Variants in DNAH11 observed in about 807,000 individuals in gnomAD.
DNAH11 encodes the protein dynein axonemal heavy chain 11, also known as axonemal beta dynein heavy chain 11.
In DNAH11, 442 loss-of-function variants were observed where a neutral mutation model predicts 526.0. That is an observed-to-expected ratio of 0.84 (90% CI 0.78 to 0.91). The LOEUF (loss-of-function observed/expected upper bound fraction) is 0.91, where lower values mean the gene tolerates loss of function less well. Among genes scored for constraint, DNAH11 ranks in the 40% least tolerant of loss-of-function variants. DNAH11 has a pLI of 0.00. For synonymous variants in DNAH11, 2,461 were observed against 1,935.9 expected (o/e 1.27, Z -7.12); for missense variants, 6,989 against 5,448.7 (o/e 1.28, Z -8.90).
intron 5 of DNAH11, among the ~76,000 whole-genome samples, chr7:21,563,139 C>T (rs141889672): frequency 6.6e-6 from 1 of 152,128 alleles, no homozygotes; most frequent in Non-Finnish European, 1.5e-5. Context: ...TTCAATTAAG[C>T]AGTCATTAAT....
At chr7:21,612,539 A>G (rs1170118393) in intron 20 of DNAH11, among the ~76,000 whole-genome samples, 2 of 128,712 alleles carry the variant, frequency 1.6e-5, no homozygotes, top group African/African-American at 6.1e-5. Flanking sequence ...TGGGCGACAG[A>G]GTGAGGCTCC....
intron 14 of DNAH11, among the ~76,000 whole-genome samples, chr7:21,596,747 T>C (rs993353163): frequency 6.6e-6 from 1 of 152,228 alleles, no homozygotes; most frequent in Non-Finnish European, 1.5e-5. Flanking sequence ...TTTTTTGTAT[T>C]AATAAATGGA....
chr7:21,588,717 T>G, intron 11 of DNAH11, 81 bp downstream of exon 11: 1 of 1,507,412 alleles, frequency 6.6e-7, no homozygotes, highest in Non-Finnish European at 9.1e-7. Context: ...GCTGTTCATA[T>G]TAGCACTTAG....
chr7:21,671,592 T>C (rs1238632275), intron 30 of DNAH11, among the ~76,000 whole-genome samples: 1 of 152,152 alleles, frequency 6.6e-6, no homozygotes. Context: ...TTTATTTCTG[T>C]TTTCAAAGAA....
rs140923800 is a variant in DNAH11, at chr7:21,776,773, A to T, written c.9337-2185A>T. 6.8e-4 allele frequency among the ~76,000 whole-genome samples: 104 copies of T among 152,322 alleles called. No individual in the cohort carries two copies. In the East Asian group the frequency reaches 0.014, roughly 20 times the overall value. On this transcript the variant is annotated intron_variant, in intron 56 of 81. Coordinates refer to ENST00000409508, the MANE Select transcript of DNAH11 (RefSeq NM_001277115.2). ...TTTGCTTTATTTCTATTTTGAGATG[A>T]TAATAGATTCAGAAGAAATTACAAA...
intron 8 of DNAH11, 95 bp from the exon 9 acceptor site, chr7:21,581,810 C>CGA: frequency 1.3e-6 from 1 of 742,348 alleles, no homozygotes; most frequent in East Asian, 2.5e-5. Flanking sequence ...AGAGAGCGAG[C>CGA]GAGAGAGAGC....
At chr7:21,712,243 T>G (rs1187021868) in intron 42 of DNAH11, among the ~76,000 whole-genome samples, 1 of 152,242 alleles carries the variant, frequency 6.6e-6, no homozygotes, top group Non-Finnish European at 1.5e-5. Context: ...AATACTCCAT[T>G]ATGTGTACAT....
In DNAH11 at chr7:21,642,300, A is replaced by G. The variant is rs139406840; in HGVS notation, c.4944+3235A>G. The stretch of plus-strand genomic sequence containing the variant: ...CCTTTGTGGTACAAATAACCATCCA[A>G]GAGTGACTTGTTGAGAAGGAGCTAG... On this transcript the variant is annotated intron_variant, in intron 28 of 81. Transcript: ENST00000409508. Among the ~76,000 whole-genome samples the G allele has an allele frequency of 3.0e-4, 45 of 152,272 alleles. 1 individual carries two copies. The highest frequency in any genetic ancestry group is 1.1e-3 in the African/African-American group (45 of 41,562).
chr7:21,833,193 A>C (rs1781856562), intron 65 of DNAH11, among the ~76,000 whole-genome samples: 1 of 152,210 alleles, frequency 6.6e-6, no homozygotes, highest in South Asian at 2.1e-4. Context: ...GGAATGTATA[A>C]ATTCTCTTTT....
chr7:21,585,795 G>A (rs1784462015), intron 9 of DNAH11, among the ~76,000 whole-genome samples: 1 of 152,176 alleles, frequency 6.6e-6, no homozygotes, highest in African/African-American at 2.4e-5. Context: ...TGGCAATGGT[G>A]TTATGAAAAA....
chr7:21,649,343 C>T (rs1787518141), intron 28 of DNAH11, among the ~76,000 whole-genome samples: 1 of 152,174 alleles, frequency 6.6e-6, no homozygotes. Flanking sequence ...CAAGAATTTT[C>T]ATAGCCACTT....
chr7:21,751,034 C>T (rs188833625), intron 54 of DNAH11, among the ~76,000 whole-genome samples: 16 of 152,190 alleles, frequency 1.1e-4, no homozygotes. Context: ...AGAAGTAACA[C>T]TCAGATGGGC....
intron 76 of DNAH11, among the ~76,000 whole-genome samples, chr7:21,892,034 C>T (rs1488097052): frequency 6.9e-4 from 105 of 152,268 alleles, no homozygotes; most frequent in Admixed American, 6.9e-3. Context: ...AATCAAATGT[C>T]TACCTCAGCA....
At chr7:21,703,989 TTTTAAAATCTTTAGCTTACAGC>T (rs1318666574) in intron 37 of DNAH11, among the ~76,000 whole-genome samples, 1 of 152,226 alleles carries the variant, frequency 6.6e-6, no homozygotes, top group Non-Finnish European at 1.5e-5. Flanking sequence ...GAGTTACTGC[TTTTAAAATCTTTAGCTTACAGC>T]CAAGATAGAA....
At chr7:21,698,005 A>G (rs1024431697) in intron 35 of DNAH11, 70 bp from the exon 36 acceptor site, 38 of 1,483,026 alleles carry the variant, frequency 2.6e-5, no homozygotes, top group Non-Finnish European at 3.5e-5. Flanking sequence ...CGAAATAACC[A>G]CTTGATTTCA....
At chr7:21,594,006 T>TCA (rs909880186) in intron 14 of DNAH11, among the ~76,000 whole-genome samples, 6 of 149,044 alleles carry the variant, frequency 4.0e-5, no homozygotes, top group African/African-American at 9.9e-5. Flanking sequence ...CTCTCACATA[T>TCA]CACACACACA....
chr7:21,751,583 G>A (rs915819965), intron 54 of DNAH11, among the ~76,000 whole-genome samples: 2 of 152,156 alleles, frequency 1.3e-5, no homozygotes, highest in African/African-American at 2.4e-5. Flanking sequence ...TTCTCATATT[G>A]TTATGCCTGT....
chr7:21,785,542 C>T (rs1788134445), intron 58 of DNAH11, among the ~76,000 whole-genome samples: 1 of 152,078 alleles, frequency 6.6e-6, no homozygotes, highest in African/African-American at 2.4e-5. Flanking sequence ...AATATGTGCA[C>T]AGAAAAAGAT....
intron 1 of DNAH11, 24 bp from the exon 2 acceptor site, chr7:21,544,982 C>G: frequency 1.9e-6 from 3 of 1,544,812 alleles, no homozygotes; most frequent in East Asian, 2.3e-5. Flanking sequence ...ACTACTTGAA[C>G]TAATTATCTT....
Sources: gnomAD v4.1 joint callset for allele counts (sites outside exome capture counted in the v4.1 genomes callset) on GRCh38, gnomAD v4.1.1 for gene constraint, MANE v1.5 for transcripts, NCBI Gene and HGNC (gene_info 2026-07-23, HGNC 2026-07-21) for gene names.